The following IL1RAPL2 variants were observed in gnomAD, a reference collection of about 807,000 sequenced individuals.
The protein encoded by IL1RAPL2 is interleukin 1 receptor accessory protein like 2, also known as X-linked interleukin-1 receptor accessory protein-like 2.
IL1RAPL2 carries 3 observed loss-of-function variants against 44.1 expected under a neutral mutation model. The ratio of observed to expected loss-of-function variants is 0.07; its 90% CI spans 0.03 to 0.18. The LOEUF is 0.18. IL1RAPL2 is among the 10% of genes least tolerant of loss of function. The probability of loss-of-function intolerance (pLI) is 1.00; values close to 1 mark genes in which losing one functional copy is unlikely to be tolerated. For synonymous variants in IL1RAPL2, 181 were observed against 178.8 expected, an observed-to-expected ratio of 1.01 and a Z score of -0.10; for missense variants, 391 against 496.4, an observed-to-expected ratio of 0.79 and a Z score of 2.02.
At chrX:105,078,886 C>T (rs944957305) in intron 2 of IL1RAPL2, among the ~76,000 whole-genome samples, 1 of 112,203 alleles carries the variant, frequency 8.9e-6, no homozygotes, top group East Asian at 2.8e-4. Context: ...TGGGAGGGCG[C>T]AGTATTAGGG....
In IL1RAPL2 at chrX:104,715,795, C is replaced by T. The variant is rs760811014; in HGVS notation, c.82+56800C>T. Among the ~76,000 whole-genome samples, 51 of 110,451 alleles carry T rather than the reference C, an allele frequency of 4.6e-4. 1 individual carries two copies. The highest frequency in any genetic ancestry group is 1.7e-3 in the African/African-American group (51 of 30,500). On this transcript the variant is annotated intron_variant, in intron 2 of 10. Transcript: ENST00000372582. Reference sequence around the variant, plus strand: ...TCAAAGAAATCAGAGATGATACAAACAAATGGAAAAACATTCCATGCCTAT... The same window carrying T: ...TCAAAGAAATCAGAGATGATACAAATAAATGGAAAAACATTCCATGCCTAT...
At chrX:105,071,541 C>G (rs1455805180) in intron 2 of IL1RAPL2, among the ~76,000 whole-genome samples, 2 of 110,883 alleles carry the variant, frequency 1.8e-5, no homozygotes, top group Admixed American at 1.9e-4. Flanking sequence ...TATGAAATCA[C>G]AAAAGATCCC....
At position 104,833,477 on chromosome X, in the gene IL1RAPL2, G is replaced by A. The variant is rs188922234; in HGVS notation, c.82+174482G>A. Among the ~76,000 whole-genome samples, 10 of 111,868 alleles carry A rather than the reference G, an allele frequency of 8.9e-5. No individual in the cohort carries two copies. In the East Asian group the frequency reaches 1.1e-3, roughly 12 times the overall value. On this transcript the variant is annotated intron_variant, in intron 2 of 10. Transcript: ENST00000372582. Reference sequence around the variant, plus strand: ...ACTGTATTAAATCTGAATTTGTCTCGTGTAAAGTCATTTGGTTATTTTTTT... The same window carrying A: ...ACTGTATTAAATCTGAATTTGTCTCATGTAAAGTCATTTGGTTATTTTTTT...
At chrX:105,245,017 T>C (rs1271723817) in intron 4 of IL1RAPL2, among the ~76,000 whole-genome samples, 2 of 111,837 alleles carry the variant, frequency 1.8e-5, no homozygotes, top group African/African-American at 6.5e-5. Flanking sequence ...TGCTATGGCC[T>C]GTTTACACCA....
intron 6 of IL1RAPL2, among the ~76,000 whole-genome samples, chrX:105,716,600 GAC>G (rs1189098597): frequency 2.1e-4 from 23 of 111,598 alleles, no homozygotes; most frequent in African/African-American, 6.8e-4. Context: ...ACCCCAGACA[GAC>G]ATACCCAGAA....
chrX:105,592,464 T>A (rs767248677), intron 6 of IL1RAPL2, among the ~76,000 whole-genome samples: 1 of 111,978 alleles, frequency 8.9e-6, no homozygotes, highest in African/African-American at 3.2e-5. Context: ...TTTGGTCCTG[T>A]CATCATGTTG....
At chrX:105,041,478 G>A (rs951447547) in intron 2 of IL1RAPL2, among the ~76,000 whole-genome samples, 1 of 110,573 alleles carries the variant, frequency 9.0e-6, no homozygotes, top group East Asian at 2.8e-4. Context: ...TGACAGTGGG[G>A]TGTTAAAGTC....
At chrX:104,717,941 T>A (rs907304639) in intron 2 of IL1RAPL2, among the ~76,000 whole-genome samples, 3 of 110,708 alleles carry the variant, frequency 2.7e-5, no homozygotes, top group African/African-American at 9.8e-5. Flanking sequence ...GAACTCATCA[T>A]TGTTATGGCT....
At chrX:104,676,500 C>T (rs1206158012) in intron 2 of IL1RAPL2, among the ~76,000 whole-genome samples, 2 of 111,595 alleles carry the variant, frequency 1.8e-5, no homozygotes, top group South Asian at 7.6e-4. Context: ...CCTTTGTGGG[C>T]AACCCGACCT....
intron 6 of IL1RAPL2, among the ~76,000 whole-genome samples, chrX:105,580,965 C>A (rs1306329340): frequency 9.0e-6 from 1 of 111,244 alleles, no homozygotes; most frequent in African/African-American, 3.3e-5. Flanking sequence ...TATTTTTTTT[C>A]TTCTGTGGAC....
chrX:104,715,206 TG>T (rs1345522449), intron 2 of IL1RAPL2, among the ~76,000 whole-genome samples: 1 of 109,475 alleles, frequency 9.1e-6, no homozygotes, highest in African/African-American at 3.3e-5. Flanking sequence ...GGTTCAGTCT[TG>T]GGAGGGTATA....
At chrX:105,502,893 A>AT (rs976310501) in intron 6 of IL1RAPL2, among the ~76,000 whole-genome samples, 40 of 108,529 alleles carry the variant, frequency 3.7e-4, no homozygotes, top group South Asian at 1.6e-3. Flanking sequence ...AGCTAAGCGT[A>AT]TTTTTTTTTG....
intron 6 of IL1RAPL2, among the ~76,000 whole-genome samples, chrX:105,618,452 A>AT (rs2037394595): frequency 9.0e-6 from 1 of 111,000 alleles, no homozygotes; most frequent in Admixed American, 9.6e-5. Context: ...AAAAAAAAAA[A>AT]GGTTTCAGTT....
rs780970878 is a variant in IL1RAPL2, at chrX:104,795,043, A to C, written c.82+136048A>C. On this transcript the variant is annotated intron_variant, in intron 2 of 10. Transcript: ENST00000372582. Reference sequence around the variant, plus strand: ...ATAAAAACATGGCCTTTATTTTCCCACCAGTCTTTCCAAATAAACCTACCT... The same window carrying C: ...ATAAAAACATGGCCTTTATTTTCCCCCCAGTCTTTCCAAATAAACCTACCT... Among the ~76,000 whole-genome samples the C allele has an allele frequency of 1.2e-4, 13 of 111,687 alleles. No individual in the cohort carries two copies. In the East Asian group the frequency reaches 3.7e-3, roughly 31 times the overall value.
intron 5 of IL1RAPL2, among the ~76,000 whole-genome samples, chrX:105,447,925 A>C (rs1404835541): frequency 4.1e-5 from 4 of 97,628 alleles, no homozygotes; most frequent in African/African-American, 1.5e-4. Context: ...AAATATATAA[A>C]TATATTAAAA....
At chrX:105,684,400 G>T (rs1273314354) in intron 6 of IL1RAPL2, among the ~76,000 whole-genome samples, 5 of 112,874 alleles carry the variant, frequency 4.4e-5, no homozygotes, top group Non-Finnish European at 9.4e-5. Flanking sequence ...GGCTCAGTGG[G>T]TCCCATGCCC....
At chrX:104,633,823 T>C (rs766179110) in intron 1 of IL1RAPL2, among the ~76,000 whole-genome samples, 2 of 111,406 alleles carry the variant, frequency 1.8e-5, no homozygotes, top group African/African-American at 6.5e-5. Context: ...TTTGAAGGGT[T>C]TTTTTGTGTC....
intron 6 of IL1RAPL2, among the ~76,000 whole-genome samples, chrX:105,573,190 C>T (rs192481771): frequency 9.0e-6 from 1 of 111,201 alleles, no homozygotes; most frequent in African/African-American, 3.3e-5. Flanking sequence ...TCATGAGTAG[C>T]TGGGACCACA....
chrX:104,612,744 T>C (rs1286128818), intron 1 of IL1RAPL2, among the ~76,000 whole-genome samples: 1 of 111,800 alleles, frequency 8.9e-6, no homozygotes, highest in Non-Finnish European at 1.9e-5. Context: ...AGGAATAGCA[T>C]TGAATCTGTA....
Sources: gnomAD v4.1 joint callset for allele counts (sites outside exome capture counted in the v4.1 genomes callset) on GRCh38, gnomAD v4.1.1 for gene constraint, MANE v1.5 for transcripts, NCBI Gene and HGNC (gene_info 2026-07-23, HGNC 2026-07-21) for gene names.